OR51B5: variants seen among roughly 807,000 people sequenced by gnomAD.
The protein encoded by OR51B5 is olfactory receptor family 51 subfamily B member 5.
For missense variants in OR51B5, 456 were observed against 374.6 expected (o/e 1.22, Z -1.79); for synonymous variants, 186 against 144.8 (o/e 1.28, Z -2.04).
chr11:5,373,392 C>T (rs2736548), intron 1 of OR51B5, among the ~76,000 whole-genome samples: 54,283 of 152,064 alleles, frequency 0.36, 10,125 homozygotes, highest in Non-Finnish European at 0.4. Flanking sequence ...CAGCTCCCAG[C>T]GTGAACAACA....
chr11:5,353,365 A>G (rs1849133418), intron 1 of OR51B5, among the ~76,000 whole-genome samples: 1 of 152,212 alleles, frequency 6.6e-6, no homozygotes, highest in Non-Finnish European at 1.5e-5. Context: ...GCATTTTCAT[A>G]AAGTGGTATG....
chr11:5,390,215 G>C, intron 1 of OR51B5: 2 of 1,613,966 alleles, frequency 1.2e-6, no homozygotes, highest in Non-Finnish European at 1.7e-6. Flanking sequence ...GCTGTCCCTG[G>C]TGCACCGTTT....
intron 1 of OR51B5, among the ~76,000 whole-genome samples, chr11:5,481,116 A>G (rs1200367253): frequency 1.6e-5 from 1 of 62,124 alleles, no homozygotes. Flanking sequence ...TCCATAAAAT[A>G]CTGGCAAAAC....
At chr11:5,372,112 C>T (rs1316294444) in intron 1 of OR51B5, among the ~76,000 whole-genome samples, 1 of 152,116 alleles carries the variant, frequency 6.6e-6, no homozygotes, top group Non-Finnish European at 1.5e-5. Flanking sequence ...ATACATATGA[C>T]ATATATCACA....
intron 1 of OR51B5, among the ~76,000 whole-genome samples, chr11:5,485,786 TTTCCCTGGATGTCTG>T (rs1851489502): frequency 6.6e-6 from 1 of 152,192 alleles, no homozygotes; most frequent in Non-Finnish European, 1.5e-5. Context: ...CCAGCAAAGA[TTTCCCTGGATGTCTG>T]TTACAGGCTG....
At chr11:5,359,042 G>A (rs997235147) in intron 1 of OR51B5, among the ~76,000 whole-genome samples, 52 of 152,206 alleles carry the variant, frequency 3.4e-4, no homozygotes, top group East Asian at 1.5e-3. Context: ...ATATCATACT[G>A]AATGGACAAA....
At chr11:5,480,765 G>A (rs946829919) in intron 1 of OR51B5, among the ~76,000 whole-genome samples, 40 of 147,606 alleles carry the variant, frequency 2.7e-4, no homozygotes, top group African/African-American at 9.4e-4. Context: ...TAGAAGAAGT[G>A]GATAAATTCC....
intron 1 of OR51B5, chr11:5,402,589 A>AT (rs1187531611): frequency 4.3e-6 from 2 of 466,746 alleles, no homozygotes; most frequent in Admixed American, 4.7e-5. Context: ...TGAGGATGAT[A>AT]TGTCAACATG....
At chr11:5,437,978 A>G (rs556126909) in intron 1 of OR51B5, among the ~76,000 whole-genome samples, 1 of 152,314 alleles carries the variant, frequency 6.6e-6, no homozygotes, top group East Asian at 1.9e-4. Context: ...ATATCAAAGG[A>G]ACAGAGGAAC....
At chr11:5,409,761 G>A (rs948251488) in intron 1 of OR51B5, among the ~76,000 whole-genome samples, 1 of 152,120 alleles carries the variant, frequency 6.6e-6, no homozygotes, top group Non-Finnish European at 1.5e-5. Context: ...GATAATGGTT[G>A]AGAATTCCCC....
intron 1 of OR51B5, among the ~76,000 whole-genome samples, chr11:5,487,008 T>G (rs1324644372): frequency 6.6e-6 from 1 of 152,130 alleles, no homozygotes; most frequent in Non-Finnish European, 1.5e-5. Context: ...GAATTGATAT[T>G]AGACAAAAAA....
intron 1 of OR51B5, among the ~76,000 whole-genome samples, chr11:5,501,876 C>T (rs1284158441): frequency 1.3e-5 from 2 of 148,482 alleles, no homozygotes; most frequent in Non-Finnish European, 3.0e-5. Flanking sequence ...ATGAACTGGT[C>T]ATTTACATTA....
At chr11:5,395,281 G>C (rs1849850741) in intron 1 of OR51B5, among the ~76,000 whole-genome samples, 1 of 152,230 alleles carries the variant, frequency 6.6e-6, no homozygotes, top group African/African-American at 2.4e-5. Context: ...TCAAATGGAA[G>C]ATGCTGGCAT....
chr11:5,453,411 T>C, intron 1 of OR51B5: 5 of 1,030,742 alleles, frequency 4.9e-6, no homozygotes, highest in Non-Finnish European at 6.9e-6. Context: ...TGATTTCTTG[T>C]CCTCCAGCAA....
chr11:5,488,660 A>C, intron 1 of OR51B5: 3 of 1,232,364 alleles, frequency 2.4e-6, no homozygotes, highest in Non-Finnish European at 3.5e-6. Flanking sequence ...GTTACAGGGC[A>C]AGCATAACAA....
chr11:5,364,674 T>C (rs1294550017), intron 1 of OR51B5, among the ~76,000 whole-genome samples: 1 of 152,202 alleles, frequency 6.6e-6, no homozygotes, highest in Non-Finnish European at 1.5e-5. Context: ...TCTGATTTTG[T>C]GCACTCTAAG....
intron 1 of OR51B5, among the ~76,000 whole-genome samples, chr11:5,381,103 T>G (rs1849601985): frequency 6.7e-6 from 1 of 148,520 alleles, no homozygotes; most frequent in Non-Finnish European, 1.5e-5. Context: ...AAAGCCAGGC[T>G]TTCCACCCCA....
intron 1 of OR51B5, chr11:5,390,020 A>T: frequency 6.2e-7 from 1 of 1,613,454 alleles, no homozygotes; most frequent in Non-Finnish European, 8.5e-7. Flanking sequence ...CACCTTCAAT[A>T]ATCTGTATGG....
Position 5,478,194 on chromosome 11 carries a change from T to A in OR51B5, n.84+27375A>T, listed in dbSNP as rs1439132581. ...CGGGTAGACTGCCTCCTCAAGTGGG[T>A]CCCTGACCCCTGAACCCCGAGCAGC... is the stretch of plus-strand genomic sequence containing the variant. On this transcript the variant is annotated intron_variant and non_coding_transcript_variant, in intron 1 of 4. Transcript: ENST00000415970. Among the ~76,000 whole-genome samples, 13 of 152,068 alleles carry A rather than the reference T, an allele frequency of 8.5e-5. No homozygotes were observed. In the East Asian group the frequency reaches 2.5e-3, roughly 29 times the overall value.
Sources: allele counts gnomAD v4.1 joint callset (sites outside exome capture counted in the v4.1 genomes callset), GRCh38; gene constraint gnomAD v4.1.1; transcripts MANE v1.5; gene names NCBI Gene and HGNC (gene_info 2026-07-23, HGNC 2026-07-21).